PNKD: variants seen among roughly 807,000 people sequenced by gnomAD.
PNKD encodes the protein probable thioesterase PNKD.
Under a neutral mutation model 45.3 loss-of-function variants are expected in PNKD, and 36 were observed. The observed-to-expected ratio is 0.80, with a 90% CI of 0.61 to 1.05. The LOEUF is 1.05. Ranked by LOEUF, PNKD falls within the 50% of genes least tolerant of loss-of-function variation. PNKD has a pLI of 0.00. For synonymous variants in PNKD, 197 were observed against 210.1 expected (o/e 0.94, Z 0.54); for missense variants, 511 against 506.6 (o/e 1.01, Z -0.08).
At position 218,334,735 on chromosome 2, in the gene PNKD, A is replaced by G. The variant is rs531447746; in HGVS notation, c.237-5048A>G. On this transcript the variant is annotated intron_variant, in intron 2 of 9. Transcript: ENST00000273077. ...CCTCAGTGCATCATACCAAGAGGCA[A>G]ATGATGTCTATATATTGTTACTGGT... 44 of 702,954 alleles carry G rather than the reference A, an allele frequency of 6.3e-5. No individual in the cohort carries two copies. The East Asian group carries it at 1.2e-3, about 19-fold the overall frequency. 43.5% of individuals were successfully genotyped at this position (702,954 alleles called of 1,614,324 possible).
chr2:218,299,040 C>G (rs1451403027), intron 2 of PNKD, among the ~76,000 whole-genome samples: 2 of 152,314 alleles, frequency 1.3e-5, no homozygotes, highest in East Asian at 3.9e-4. Context: ...AGCTCTGTGA[C>G]CGTGATTTGA....
intron 2 of PNKD, among the ~76,000 whole-genome samples, chr2:218,321,658 C>T (rs1319556038): frequency 0.015 from 16 of 1,040 alleles, no homozygotes; most frequent in South Asian, 0.045. Context: ...GACGGAGTCT[C>T]ACCCCTGTCA....
At chr2:218,331,671 T>G (rs1187154534) in intron 2 of PNKD, among the ~76,000 whole-genome samples, 2 of 152,118 alleles carry the variant, frequency 1.3e-5, no homozygotes, top group African/African-American at 4.8e-5. Context: ...TTTCACCATA[T>G]TGGTCAGACT....
chr2:218,322,071 C>A (rs1194674726), intron 2 of PNKD, among the ~76,000 whole-genome samples: 2 of 150,698 alleles, frequency 1.3e-5, no homozygotes, highest in South Asian at 4.2e-4. Context: ...TACAGGCAGG[C>A]GCCACCATGC....
intron 2 of PNKD, chr2:218,323,417 G>A (rs757642992): frequency 1.2e-5 from 19 of 1,570,300 alleles, no homozygotes; most frequent in African/African-American, 2.7e-5. Flanking sequence ...GCCAGCGGCT[G>A]CTCTTCCGAA....
chr2:218,277,836 A>G, intron 2 of PNKD: 2 of 1,568,510 alleles, frequency 1.3e-6, no homozygotes, highest in South Asian at 1.1e-5. Flanking sequence ...GGTGGAGGAG[A>G]CAGCCAGGAC....
intron 2 of PNKD, chr2:218,323,092 G>T: frequency 9.0e-7 from 1 of 1,105,924 alleles, no homozygotes; most frequent in Non-Finnish European, 1.2e-6. Flanking sequence ...CCTTCGGGGT[G>T]CTTGCCCGGC....
At chr2:218,272,910 A>C (rs1381593402) in intron 2 of PNKD, 1 of 1,532,650 alleles carries the variant, frequency 6.5e-7, no homozygotes, top group Non-Finnish European at 8.8e-7. Context: ...GAGCCAGCCA[A>C]AGGCAAATAA....
intron 2 of PNKD, among the ~76,000 whole-genome samples, chr2:218,331,740 T>C (rs1392024129): frequency 6.6e-6 from 1 of 152,174 alleles, no homozygotes; most frequent in Non-Finnish European, 1.5e-5. Flanking sequence ...AGCACTGGGA[T>C]TACAGGCGTG....
intron 2 of PNKD, chr2:218,272,958 G>A: frequency 2.1e-6 from 3 of 1,439,156 alleles, no homozygotes; most frequent in Non-Finnish European, 2.7e-6. Flanking sequence ...CCAGGTCTGG[G>A]TTTGTGAGTC....
chr2:218,303,922 A>T (rs904771191), intron 2 of PNKD, among the ~76,000 whole-genome samples: 2 of 151,842 alleles, frequency 1.3e-5, no homozygotes, highest in African/African-American at 2.4e-5. Context: ...TTTGCTCTCC[A>T]CATCCCCCTC....
At chr2:218,341,485 A>T in intron 5 of PNKD, 49 bp from the exon 6 acceptor site, 1 of 1,210,264 alleles carries the variant, frequency 8.3e-7, no homozygotes, top group South Asian at 1.3e-5. Flanking sequence ...AAGGGGGCTT[A>T]GGTACAGTTG....
chr2:218,292,920 C>CCG (rs1209110111), intron 2 of PNKD, among the ~76,000 whole-genome samples: 9 of 152,310 alleles, frequency 5.9e-5, no homozygotes, highest in East Asian at 3.9e-4. Context: ...TTTCTTCTCA[C>CCG]TAAATAGTCT....
chr2:218,279,092 C>A, intron 2 of PNKD: 6 of 1,614,136 alleles, frequency 3.7e-6, no homozygotes, highest in Non-Finnish European at 5.1e-6. Flanking sequence ...GACAGGTTCC[C>A]TGTGGGGCAC....
chr2:218,309,869 A>AG (rs1693549415), intron 2 of PNKD, among the ~76,000 whole-genome samples: 1 of 151,432 alleles, frequency 6.6e-6, no homozygotes, highest in Non-Finnish European at 1.5e-5. Context: ...TGGGAGGCGG[A>AG]GGCTGCGGTG....
rs970213430 is a variant in PNKD at position 218,283,451 on chromosome 2, G to A, written c.236+11902G>A. Among the ~76,000 whole-genome samples the A allele has an allele frequency of 2.6e-5, 4 of 152,312 alleles. No homozygotes were observed. The East Asian group carries it at 7.7e-4, about 29-fold the overall frequency. ...AGGTAGCAGAGATGCAGGCTTAGGA[G>A]GAGCTAAGGAAGCCCCTAGAGGGCC... is the stretch of plus-strand genomic sequence containing the variant. On this transcript the variant is annotated intron_variant, in intron 2 of 9. Coordinates refer to ENST00000273077, the MANE Select transcript of PNKD (RefSeq NM_015488.5).
At chr2:218,341,483 T>A in intron 5 of PNKD, 51 bp from the exon 6 acceptor site, 1 of 1,212,414 alleles carries the variant, frequency 8.2e-7, no homozygotes, top group Non-Finnish European at 1.2e-6. Flanking sequence ...AGAAGGGGGC[T>A]TAGGTACAGT....
At chr2:218,280,209 C>G (rs1691747555) in intron 2 of PNKD, 2 of 995,054 alleles carry the variant, frequency 2.0e-6, no homozygotes, top group African/African-American at 1.6e-5. Context: ...ATCTCAAAGT[C>G]TCAGGGATCT....
intron 2 of PNKD, chr2:218,275,449 A>G (rs1477511495): frequency 6.2e-7 from 1 of 1,604,090 alleles, no homozygotes; most frequent in Non-Finnish European, 8.5e-7. Flanking sequence ...AGAGCCCAGG[A>G]TCGGGTGAAA....
Sources: gnomAD v4.1 joint callset for allele counts (sites outside exome capture counted in the v4.1 genomes callset) on GRCh38, gnomAD v4.1.1 for gene constraint, MANE v1.5 for transcripts, NCBI Gene and HGNC (gene_info 2026-07-23, HGNC 2026-07-21) for gene names.